ZNF223: variants seen among roughly 807,000 people sequenced by gnomAD.
ZNF223 encodes the protein zinc finger protein 223.
ZNF223 carries 9 observed loss-of-function variants against 12.3 expected under a neutral mutation model. That is an observed-to-expected ratio of 0.73 (90% CI 0.44 to 1.28). The LOEUF is 1.28. Among genes scored for constraint, ZNF223 ranks in the 50% most tolerant of loss-of-function variants. ZNF223 has a pLI of 0.00. For missense variants in ZNF223, 506 were observed against 579.0 expected (o/e 0.87, Z 1.29); for synonymous variants, 171 against 195.2 (o/e 0.88, Z 1.03).
At chr19:44,054,858 C>T (rs754123441) in intron 1 of ZNF223, among the ~76,000 whole-genome samples, 2 of 152,214 alleles carry the variant, frequency 1.3e-5, no homozygotes, top group South Asian at 2.1e-4. Context: ...TCAAGGTTCA[C>T]GGGTGTTGTT....
intron 1 of ZNF223, among the ~76,000 whole-genome samples, chr19:44,053,410 G>A (rs1976726043): frequency 6.6e-6 from 1 of 152,204 alleles, no homozygotes; most frequent in Non-Finnish European, 1.5e-5. Flanking sequence ...TTTAAGGAAA[G>A]GAGTTGTGCC....
At position 44,060,704 on chromosome 19, in the gene ZNF223, T is replaced by C. The variant is rs761007070; in HGVS notation, c.143-45T>C. 2.5e-6 allele frequency: 4 copies of C among 1,613,684 alleles called. No individual in the cohort carries two copies. The East Asian group carries it at 8.9e-5, about 36-fold the overall frequency. On this transcript the variant is annotated intron_variant, in intron 3 of 4. Coordinates refer to ENST00000434772, the MANE Select transcript of ZNF223 (RefSeq NM_013361.6). ...TCCAATAAGTGTTACCGTGATATTATCTAGAATATGTTGGGATTAAGCATG... is the reference window on the plus strand; with the variant it reads ...TCCAATAAGTGTTACCGTGATATTACCTAGAATATGTTGGGATTAAGCATG...
chr19:44,054,796 C>T (rs1599866932), intron 1 of ZNF223, among the ~76,000 whole-genome samples: 1 of 152,296 alleles, frequency 6.6e-6, no homozygotes, highest in South Asian at 2.1e-4. Flanking sequence ...TAAATGGAAT[C>T]GTAGGGTCTG....
intron 2 of ZNF223, among the ~76,000 whole-genome samples, chr19:44,057,522 A>T (rs1303059579): frequency 2.0e-5 from 3 of 152,196 alleles, no homozygotes; most frequent in Non-Finnish European, 4.4e-5. Flanking sequence ...AATACCAGCT[A>T]ATGTTCATTA....
chr19:44,066,808 G>A lies in ZNF223; in HGVS notation c.980G>A (p.Arg327His), dbSNP rs76427641. 3.9e-5 allele frequency: 63 copies of A among 1,614,126 alleles called. No homozygotes were observed. Among genetic ancestry groups the A allele is most frequent in the East Asian group, 1.3e-4 (6 of 44,868 alleles). The change falls in exon 5 of 5, where the codon CGT becomes CAT. Residue 327 changes from arginine (R) to histidine (H), a missense_variant. Transcript: ENST00000434772. ...GGGGAATATGGAAAAGGCTTCATTC[G>A]TAGGCTGGATTTGTGTAAGCATCAG... ...STGEYGKGFI[R>H]RLDLCKHQTI...
intron 4 of ZNF223, among the ~76,000 whole-genome samples, chr19:44,065,487 A>C (rs1211548728): frequency 6.6e-6 from 1 of 152,070 alleles, no homozygotes; most frequent in Non-Finnish European, 1.5e-5. Context: ...TAACAGGTTA[A>C]ATGTATGTGT....
Position 44,066,364 on chromosome 19 carries a change from A to C in ZNF223, c.536A>C (p.Asp179Ala). 1.2e-6 allele frequency: 2 copies of C among 1,614,226 alleles called. No homozygotes were observed. Among genetic ancestry groups the C allele is most frequent in the Non-Finnish European group, 1.7e-6 (2 of 1,180,048 alleles). ...IRSAEKSHSC[D>A]ECGKSFCYIS... ...TCAGCAGAGAAGTCTCATTCCTGTGATGAGTGTGGAAAAAGCTTCTGTTAC... is the reference window on the plus strand; with the variant it reads ...TCAGCAGAGAAGTCTCATTCCTGTGCTGAGTGTGGAAAAAGCTTCTGTTAC... The change falls in exon 5 of 5, where the codon GAT (aspartate) becomes GCT (alanine). Residue 179 changes from aspartate (D) to alanine (A), a missense_variant. Coordinates refer to ENST00000434772, the MANE Select transcript of ZNF223 (RefSeq NM_013361.6).
At chr19:44,064,637 C>G (rs73932846) in intron 4 of ZNF223, among the ~76,000 whole-genome samples, 4,453 of 152,158 alleles carry the variant, frequency 0.029, 212 homozygotes, top group African/African-American at 0.1. Flanking sequence ...GCAAATTCGG[C>G]AGTTTTTCAA....
intron 2 of ZNF223, among the ~76,000 whole-genome samples, chr19:44,057,650 T>C (rs1976786280): frequency 6.6e-6 from 1 of 152,204 alleles, no homozygotes; most frequent in African/African-American, 2.4e-5. Context: ...TAGGAAAACA[T>C]GTCTGAGGTC....
rs1450011424 is a variant in ZNF223 at position 44,056,762 on chromosome 19, AT to A, written c.15+1578del. Reference sequence around the variant, plus strand: ...GCGCCCGCCACCACACACCCGGCTAATTTTTTTGTGTGTTTTTAGTAGAGAC... The same window carrying A: ...GCGCCCGCCACCACACACCCGGCTAATTTTTTGTGTGTTTTTAGTAGAGAC... On this transcript the variant is annotated intron_variant, in intron 2 of 4. Transcript: ENST00000434772. 2.7e-4 allele frequency among the ~76,000 whole-genome samples: 41 copies of A among 151,124 alleles called. No homozygotes were observed. The Middle Eastern group carries it at 0.02, about 75-fold the overall frequency.
chr19:44,060,457 G>T lies in ZNF223; in HGVS notation c.18G>T (p.Glu6Asp), dbSNP rs1250854378. Residue 6 changes from glutamate to aspartate, a missense_variant and splice_region_variant, in exon 3 of 5, where the codon GAG becomes GAT. Glu to Asp is a conservative substitution (Grantham distance 45). Transcript: ENST00000434772. Reference sequence around the variant, plus strand: ...GTTGCATATGTTTGATGCTGTAGGAGGCAGTGACCTTCAAGGATGTGGCAG... The same window carrying T: ...GTTGCATATGTTTGATGCTGTAGGATGCAGTGACCTTCAAGGATGTGGCAG... Reference protein sequence around the residue: MTMSKEAVTFKDVAVV... With the variant: MTMSKDAVTFKDVAVV... 2 of 1,613,972 alleles carry T rather than the reference G, an allele frequency of 1.2e-6. No homozygotes were observed. Among genetic ancestry groups the T allele is most frequent in the African/African-American group, 2.7e-5 (2 of 74,922 alleles).
rs777137488 is a variant in ZNF223, at chr19:44,060,801, T to C, written c.195T>C (p.Phe65=). 2.0e-5 allele frequency: 32 copies of C among 1,613,632 alleles called. No individual in the cohort carries two copies. The highest frequency in any genetic ancestry group is 2.5e-5 in the Non-Finnish European group (30 of 1,179,892). Residue 65 remains phenylalanine, a synonymous_variant, in exon 4 of 5, where the codon TTT becomes TTC. Transcript: ENST00000434772. ...DTFHFLREEK[F]WMMDIATQRE... Reference sequence around the variant, plus strand: ...TCCACTTTCTAAGGGAGGAAAAGTTTTGGATGATGGATATAGCAACCCAAA... The same window carrying C: ...TCCACTTTCTAAGGGAGGAAAAGTTCTGGATGATGGATATAGCAACCCAAA...
intron 4 of ZNF223, 24 bp downstream of exon 4, chr19:44,060,865 C>A (rs753684940): frequency 5.6e-6 from 9 of 1,596,496 alleles, no homozygotes; most frequent in African/African-American, 1.3e-5. Flanking sequence ...AACTGTGTGT[C>A]CTTGTTTGTG....
At chr19:44,062,116 G>A (rs1976848815) in intron 4 of ZNF223, among the ~76,000 whole-genome samples, 2 of 152,114 alleles carry the variant, frequency 1.3e-5, no homozygotes, top group South Asian at 4.2e-4. Flanking sequence ...ATGGATGGGG[G>A]GACTTCACTG....
In ZNF223 at chr19:44,066,602, A is replaced by G; in HGVS notation, c.774A>G (p.Lys258=). The G allele has an allele frequency of 6.2e-7, 1 of 1,614,116 alleles. No individual in the cohort carries two copies. The highest frequency in any genetic ancestry group is 8.5e-7 in the Non-Finnish European group (1 of 1,180,020). The change falls in exon 5 of 5, where the codon AAA becomes AAG. Residue 258 remains lysine (K), a synonymous_variant. Coordinates refer to ENST00000434772, the MANE Select transcript of ZNF223 (RefSeq NM_013361.6). ...ATTGCAAATTACACATGGGAGAGAA[A>G]CATTATAATTGTGAGGCATGTGGGA... The part of the protein sequence containing the change: ...TVHCKLHMGE[K]HYNCEACGRA...
rs1264095373 is a variant in ZNF223, at chr19:44,066,623, T to A, written c.795T>A (p.Cys265Ter). ...AGAAACATTATAATTGTGAGGCATG[T>A]GGGAGGGCCTTCATTCATGATTTCC... ...MGEKHYNCEACGRAFIHDFQL... is the reference protein window; with the variant it reads ...MGEKHYNCEA Residue 265 changes from cysteine to a stop codon, truncating the protein, a stop_gained, in exon 5 of 5, where the codon TGT (cysteine) becomes TGA (stop). Coordinates refer to ENST00000434772, the MANE Select transcript of ZNF223 (RefSeq NM_013361.6). LOFTEE classifies it low-confidence loss of function (END_TRUNC). The A allele has an allele frequency of 1.2e-6, 2 of 1,613,964 alleles. No individual in the cohort carries two copies. The highest frequency in any genetic ancestry group is 2.2e-5 in the South Asian group (2 of 91,086).
chr19:44,067,054 TTAGA>T lies in ZNF223; in HGVS notation c.1227_1230del (p.Gln411ProfsTer5), dbSNP rs773518744. The stretch of plus-strand genomic sequence containing the variant: ...AACTGTGATGACTGTGGGAAGAGCT[TTAGA>T]CAGGCCTCAAGTATTTTGAATCATA... On this transcript the variant is annotated frameshift_variant, in exon 5 of 5. Coordinates refer to ENST00000434772, the MANE Select transcript of ZNF223 (RefSeq NM_013361.6). LOFTEE classifies it low-confidence loss of function (END_TRUNC). 1 of 1,614,034 alleles carries T rather than the reference TTAGA, an allele frequency of 6.2e-7. No homozygotes were observed.
rs149277857 is a variant in ZNF223 at position 44,065,107 on chromosome 19, C to T, written c.236-957C>T. On this transcript the variant is annotated intron_variant, in intron 4 of 4. Coordinates refer to ENST00000434772, the MANE Select transcript of ZNF223 (RefSeq NM_013361.6). Reference sequence around the variant, plus strand: ...CCCCAAAGCTGTGGCTAGTCACAACCCTAAATTATATTATTTCACTGTCAA... The same window carrying T: ...CCCCAAAGCTGTGGCTAGTCACAACTCTAAATTATATTATTTCACTGTCAA... Among the ~76,000 whole-genome samples, 326 of 152,212 alleles carry T rather than the reference C, an allele frequency of 2.1e-3. 1 individual carries two copies. Among genetic ancestry groups the T allele is most frequent in the African/African-American group, 7.2e-3 (300 of 41,526 alleles).
At chr19:44,061,871 A>T (rs947037857) in intron 4 of ZNF223, among the ~76,000 whole-genome samples, 17 of 152,198 alleles carry the variant, frequency 1.1e-4, no homozygotes, top group African/African-American at 4.1e-4. Flanking sequence ...CTGAGTTTTA[A>T]TGTCATGGAA....
Sources: allele counts gnomAD v4.1 joint callset (sites outside exome capture counted in the v4.1 genomes callset), GRCh38; gene constraint gnomAD v4.1.1; transcripts MANE v1.5; gene names NCBI Gene and HGNC (gene_info 2026-07-23, HGNC 2026-07-21).